EXOC6B: variants seen among roughly 807,000 people sequenced by gnomAD.
The protein encoded by EXOC6B is exocyst complex component 6B, also known as SEC15 homolog B.
EXOC6B carries 54 observed loss-of-function variants against 113.5 expected under a neutral mutation model. That is an observed-to-expected ratio of 0.48 (90% CI 0.38 to 0.60). EXOC6B has a LOEUF of 0.60. Ranked by LOEUF, EXOC6B falls within the 20% of genes least tolerant of loss-of-function variation. The pLI is 0.00. For synonymous variants in EXOC6B, 357 were observed against 339.0 expected (o/e 1.05, Z -0.58); for missense variants, 797 against 977.5 (o/e 0.82, Z 2.46).
In EXOC6B at chr2:72,603,092, TG is replaced by T. The variant is rs1286107614; in HGVS notation, c.670-27425del. On this transcript the variant is annotated intron_variant, in intron 6 of 21. Transcript: ENST00000272427. ...CAGATGGTTTTTTTTTTTTTTTGGTTGTTTTTTTTTTTAAGAGCACTTTCTT... is the reference window on the plus strand; with the variant it reads ...CAGATGGTTTTTTTTTTTTTTTGGTTTTTTTTTTTTTAAGAGCACTTTCTT... 4.1e-3 allele frequency among the ~76,000 whole-genome samples: 621 copies of T among 149,888 alleles called. 6 individuals carry two copies. The highest frequency in any genetic ancestry group is 8.0e-3 in the Non-Finnish European group (535 of 67,228).
At chr2:72,398,677 A>G (rs1210559662) in intron 18 of EXOC6B, among the ~76,000 whole-genome samples, 2 of 149,380 alleles carry the variant, frequency 1.3e-5, no homozygotes, top group Non-Finnish European at 1.5e-5. Context: ...AGCCTGGGTG[A>G]CAGAGCGAGA....
intron 7 of EXOC6B, among the ~76,000 whole-genome samples, chr2:72,563,882 T>G (rs994676651): frequency 1.3e-5 from 2 of 152,190 alleles, no homozygotes; most frequent in African/African-American, 4.8e-5. Context: ...TATTTTGATT[T>G]TTAAAATGCA....
chr2:72,400,475 A>T (rs1156246084), intron 18 of EXOC6B, among the ~76,000 whole-genome samples: 1 of 152,152 alleles, frequency 6.6e-6, no homozygotes, highest in Non-Finnish European at 1.5e-5. Flanking sequence ...CTGCACAGTG[A>T]AAGAAATAAT....
intron 6 of EXOC6B, among the ~76,000 whole-genome samples, chr2:72,704,798 T>C (rs913228044): frequency 6.6e-6 from 1 of 150,448 alleles, no homozygotes; most frequent in Non-Finnish European, 1.5e-5. Context: ...AATCTCTGAA[T>C]AGACCAATAA....
Position 72,179,249 on chromosome 2 carries a change from T to C in EXOC6B, c.*86A>G, listed in dbSNP as rs1198659896. Reference sequence around the variant, plus strand: ...TACATATGCTCTCTTTGAAGAAGAATGCACAAATGCAGGGTCAGCTGGGGC... The same window carrying C: ...TACATATGCTCTCTTTGAAGAAGAACGCACAAATGCAGGGTCAGCTGGGGC... On this transcript the variant is annotated 3_prime_UTR_variant, in exon 22 of 22. Coordinates refer to ENST00000272427, the MANE Select transcript of EXOC6B (RefSeq NM_015189.3). The C allele has an allele frequency of 1.1e-5, 15 of 1,398,714 alleles. No individual in the cohort carries two copies. Among genetic ancestry groups the C allele is most frequent in the African/African-American group, 2.9e-5 (2 of 68,932 alleles). The allele number at this position is 1,398,714 out of a possible 1,614,324, so 86.6% of individuals were successfully genotyped here.
intron 8 of EXOC6B, among the ~76,000 whole-genome samples, chr2:72,538,288 T>C (rs1702416007): frequency 6.6e-6 from 1 of 151,976 alleles, no homozygotes; most frequent in African/African-American, 2.4e-5. Flanking sequence ...AGAGATGGGA[T>C]AAAATGCTAA....
intron 6 of EXOC6B, among the ~76,000 whole-genome samples, chr2:72,706,926 A>T (rs190088420): frequency 5.8e-4 from 88 of 152,308 alleles, no homozygotes; most frequent in African/African-American, 2.0e-3. Flanking sequence ...AACCATAGTG[A>T]TATTTCCATG....
chr2:72,352,682 T>C (rs1444202338), intron 19 of EXOC6B, among the ~76,000 whole-genome samples: 1 of 151,054 alleles, frequency 6.6e-6, no homozygotes, highest in Non-Finnish European at 1.5e-5. Flanking sequence ...GGCATATTTT[T>C]AAAAATGTCT....
At chr2:72,571,040 T>C (rs1240867204) in intron 7 of EXOC6B, among the ~76,000 whole-genome samples, 2 of 152,220 alleles carry the variant, frequency 1.3e-5, no homozygotes, top group East Asian at 1.9e-4. Context: ...AAAACTAATA[T>C]GTTATCTTGA....
At chr2:72,575,083 G>A (rs1704745163) in intron 7 of EXOC6B, among the ~76,000 whole-genome samples, 1 of 152,082 alleles carries the variant, frequency 6.6e-6, no homozygotes, top group Non-Finnish European at 1.5e-5. Flanking sequence ...CATTTCTCAA[G>A]GTAAATAATC....
intron 6 of EXOC6B, among the ~76,000 whole-genome samples, chr2:72,622,960 C>T (rs1671834383): frequency 6.6e-6 from 1 of 152,036 alleles, no homozygotes; most frequent in Admixed American, 6.5e-5. Flanking sequence ...CATATGCATA[C>T]CCTAGGATCC....
At chr2:72,314,535 T>C (rs1455200527) in intron 20 of EXOC6B, among the ~76,000 whole-genome samples, 3 of 152,196 alleles carry the variant, frequency 2.0e-5, no homozygotes, top group Non-Finnish European at 4.4e-5. Flanking sequence ...TGTATCATCA[T>C]TATCATCCTG....
chr2:72,584,978 C>T (rs1705459769), intron 6 of EXOC6B, among the ~76,000 whole-genome samples: 1 of 152,096 alleles, frequency 6.6e-6, no homozygotes, highest in South Asian at 2.1e-4. Flanking sequence ...AGAGACACAA[C>T]ATACCAAGAT....
At chr2:72,678,792 A>G (rs894420265) in intron 6 of EXOC6B, among the ~76,000 whole-genome samples, 1 of 152,214 alleles carries the variant, frequency 6.6e-6, no homozygotes, top group Non-Finnish European at 1.5e-5. Flanking sequence ...TAGATACACT[A>G]ACATGTATGC....
At chr2:72,263,019 T>TG (rs1371494663) in intron 20 of EXOC6B, among the ~76,000 whole-genome samples, 2 of 152,126 alleles carry the variant, frequency 1.3e-5, no homozygotes, top group East Asian at 1.9e-4. Flanking sequence ...GATCCAAAGT[T>TG]GGGGGGGACA....
At chr2:72,614,215 G>C (rs375790081) in intron 6 of EXOC6B, among the ~76,000 whole-genome samples, 14 of 152,230 alleles carry the variant, frequency 9.2e-5, no homozygotes, top group African/African-American at 2.6e-4. Context: ...AACTGGAAAT[G>C]CTGTTAGAAA....
intron 1 of EXOC6B, among the ~76,000 whole-genome samples, chr2:72,756,983 A>T (rs1481961208): frequency 6.6e-6 from 1 of 152,214 alleles, no homozygotes; most frequent in East Asian, 1.9e-4. Flanking sequence ...TCAAGGACAG[A>T]AAGAAAACCA....
At chr2:72,807,213 G>C (rs1685627929) in intron 1 of EXOC6B, among the ~76,000 whole-genome samples, 1 of 152,160 alleles carries the variant, frequency 6.6e-6, no homozygotes, top group Non-Finnish European at 1.5e-5. Context: ...TATAAGGAAG[G>C]AGTCCAGTTT....
chr2:72,778,768 T>C (rs1237331865), intron 1 of EXOC6B, among the ~76,000 whole-genome samples: 1 of 152,186 alleles, frequency 6.6e-6, no homozygotes, highest in Non-Finnish European at 1.5e-5. Context: ...AAGACTATCA[T>C]ACACAAGTAA....
Sources: gnomAD v4.1 joint callset for allele counts (sites outside exome capture counted in the v4.1 genomes callset) on GRCh38, gnomAD v4.1.1 for gene constraint, MANE v1.5 for transcripts, NCBI Gene and HGNC (gene_info 2026-07-23, HGNC 2026-07-21) for gene names.